Variants in PLD5 observed in about 807,000 individuals in gnomAD.
The protein encoded by PLD5 is inactive phospholipase D5.
PLD5 carries 36 observed loss-of-function variants against 61.1 expected under a neutral mutation model. That is an observed-to-expected ratio of 0.59 (90% CI 0.45 to 0.78). The LOEUF is 0.78. PLD5 is among the 30% of genes least tolerant of loss of function. PLD5 has a pLI of 0.00. For missense variants in PLD5, 515 were observed against 644.4 expected, an observed-to-expected ratio of 0.80 and a Z score of 2.17; for synonymous variants, 243 against 242.8, an observed-to-expected ratio of 1.00 and a Z score of -0.01.
chr1:242,224,263 T>A (rs1318933507), intron 4 of PLD5, among the ~76,000 whole-genome samples: 1 of 152,172 alleles, frequency 6.6e-6, no homozygotes, highest in Non-Finnish European at 1.5e-5. Flanking sequence ...AATAAATAAA[T>A]CAAATTCTTT....
intron 2 of PLD5, among the ~76,000 whole-genome samples, chr1:242,334,029 T>C (rs1215678744): frequency 2.0e-5 from 3 of 152,202 alleles, no homozygotes; most frequent in Non-Finnish European, 4.4e-5. Context: ...GTGGAATTGC[T>C]GAATCAGATG....
chr1:242,282,233 T>G (rs1471308624), intron 3 of PLD5, among the ~76,000 whole-genome samples: 2 of 152,218 alleles, frequency 1.3e-5, no homozygotes, highest in Non-Finnish European at 2.9e-5. Context: ...TGAGGCAGGT[T>G]CTGTTATCGC....
intron 5 of PLD5, among the ~76,000 whole-genome samples, chr1:242,187,332 C>A (rs1466526495): frequency 2.0e-5 from 3 of 152,138 alleles, no homozygotes; most frequent in Non-Finnish European, 2.9e-5. Context: ...AGGATAAAGG[C>A]AGAAAGACCC....
chr1:242,410,772 A>G (rs1558542538), intron 1 of PLD5, among the ~76,000 whole-genome samples: 1 of 152,136 alleles, frequency 6.6e-6, no homozygotes, highest in African/African-American at 2.4e-5. Context: ...GACCTCAGGC[A>G]TAAATTTCAA....
In PLD5 at chr1:242,176,965, A is replaced by T. The variant is rs554980353; in HGVS notation, c.735+43023T>A. ...GATGTGGACAAATAGGAAAGCTTGC[A>T]CACTGTTGGTGGGAGTGTAAATTAG... On this transcript the variant is annotated intron_variant, in intron 5 of 9. Transcript: ENST00000536534. 2.6e-5 allele frequency among the ~76,000 whole-genome samples: 4 copies of T among 152,318 alleles called. No individual in the cohort carries two copies. In the South Asian group the frequency reaches 8.3e-4, roughly 32 times the overall value.
rs1264991729 is a variant in PLD5, at chr1:242,207,964, T to A, written c.735+12024A>T. Among the ~76,000 whole-genome samples the A allele has an allele frequency of 1.2e-4, 4 of 32,774 alleles. 1 individual carries two copies. Among genetic ancestry groups the A allele is most frequent in the East Asian group, 7.4e-4 (1 of 1,346 alleles). The allele number at this position is 32,774 out of a possible 152,430, so 21.5% of individuals were successfully genotyped here. ...TTTATATATATTTATTTATATATAT[T>A]TATATATATTTTTATATATATATTT... On this transcript the variant is annotated intron_variant, in intron 5 of 9. Transcript: ENST00000536534.
intron 7 of PLD5, among the ~76,000 whole-genome samples, chr1:242,109,249 C>T (rs536977786): frequency 2.6e-5 from 4 of 152,162 alleles, no homozygotes; most frequent in East Asian, 1.9e-4. Context: ...AAGGCCAAGG[C>T]GGTGGATCAC....
intron 2 of PLD5, chr1:242,345,797 T>C (rs1049135005): frequency 2.1e-5 from 10 of 485,900 alleles, no homozygotes; most frequent in African/African-American, 1.8e-4. Flanking sequence ...TATAAGGAAA[T>C]GCAGCAACCC....
intron 1 of PLD5, among the ~76,000 whole-genome samples, chr1:242,381,516 C>A (rs1662278542): frequency 6.6e-6 from 1 of 152,266 alleles, no homozygotes. Context: ...ATGTAACAAA[C>A]CTGCACATCC....
chr1:242,375,777 A>G (rs937859849), intron 1 of PLD5, among the ~76,000 whole-genome samples: 1 of 152,160 alleles, frequency 6.6e-6, no homozygotes, highest in Non-Finnish European at 1.5e-5. Context: ...AACATTAAAT[A>G]TACTTCTTGA....
At chr1:242,188,095 G>A (rs935803324) in intron 5 of PLD5, among the ~76,000 whole-genome samples, 1 of 152,184 alleles carries the variant, frequency 6.6e-6, no homozygotes. Context: ...AGCACTGGGG[G>A]CACTCCCTAG....
chr1:242,516,277 T>TATATAC (rs1553271890), intron 1 of PLD5, among the ~76,000 whole-genome samples: 9 of 64,432 alleles, frequency 1.4e-4, no homozygotes, highest in African/African-American at 3.8e-4. Context: ...TATATATATA[T>TATATAC]ATACATATTC....
intron 5 of PLD5, among the ~76,000 whole-genome samples, chr1:242,152,793 G>A (rs890187337): frequency 1.3e-5 from 2 of 151,886 alleles, no homozygotes; most frequent in Non-Finnish European, 2.9e-5. Flanking sequence ...TCTTTGTTAT[G>A]GTGAATAGTG....
At chr1:242,100,909 C>T in intron 8 of PLD5, 127 bp from the exon 9 acceptor site, 1 of 636,190 alleles carries the variant, frequency 1.6e-6, no homozygotes, top group East Asian at 2.7e-5. Flanking sequence ...AAGCCATAAT[C>T]TTATTACCTC....
At chr1:242,210,653 C>T (rs1014195918) in intron 5 of PLD5, 1 of 152,454 alleles carries the variant, frequency 6.6e-6, no homozygotes, top group South Asian at 2.1e-4. Flanking sequence ...ATCACCCCCA[C>T]TGAGCACCTT....
chr1:242,416,266 C>T (rs78916321), intron 1 of PLD5, among the ~76,000 whole-genome samples: 1 of 151,930 alleles, frequency 6.6e-6, no homozygotes, highest in African/African-American at 2.4e-5. Flanking sequence ...GTTGGCCATA[C>T]ATTGATAAAT....
chr1:242,340,037 G>GA (rs1261678509), intron 2 of PLD5, among the ~76,000 whole-genome samples: 5 of 152,142 alleles, frequency 3.3e-5, no homozygotes, highest in Non-Finnish European at 7.4e-5. Flanking sequence ...TGATAAAAGG[G>GA]AAAATACTTC....
chr1:242,529,076 C>T (rs201629804), upstream of PLD5, among the ~76,000 whole-genome samples: 12 of 152,298 alleles, frequency 7.9e-5, no homozygotes, highest in East Asian at 1.9e-3. Flanking sequence ...CAGCTAAAAA[C>T]AACATGACTT....
intron 1 of PLD5, among the ~76,000 whole-genome samples, chr1:242,509,676 G>A (rs2102999257): frequency 6.6e-6 from 1 of 152,172 alleles, no homozygotes; most frequent in Middle Eastern, 3.4e-3. Context: ...ACCTCATTTT[G>A]TAACATTCCC....
Sources: allele counts gnomAD v4.1 joint callset (sites outside exome capture counted in the v4.1 genomes callset), GRCh38; gene constraint gnomAD v4.1.1; transcripts MANE v1.5; gene names NCBI Gene and HGNC (gene_info 2026-07-23, HGNC 2026-07-21).